The following GLB1 variants were observed in gnomAD, a reference collection of about 807,000 sequenced individuals.
GLB1 encodes beta-galactosidase.
In GLB1, 56 loss-of-function variants were observed where a neutral mutation model predicts 74.0. That is an observed-to-expected ratio of 0.76 (90% CI 0.61 to 0.94). The LOEUF (loss-of-function observed/expected upper bound fraction) is 0.94. Ranked by LOEUF, GLB1 falls within the 40% of genes least tolerant of loss-of-function variation. GLB1 has a pLI of 0.00. For synonymous variants in GLB1, 323 were observed against 323.6 expected, an observed-to-expected ratio of 1.00 and a Z score of 0.02; for missense variants, 787 against 845.5, an observed-to-expected ratio of 0.93 and a Z score of 0.86.
intron 9 of GLB1, among the ~76,000 whole-genome samples, chr3:33,048,721 G>A (rs1698846434): frequency 1.3e-5 from 2 of 152,206 alleles, no homozygotes; most frequent in African/African-American, 4.8e-5. Flanking sequence ...ACAGTGGGGT[G>A]GGTGTGGGGG....
intron 1 of GLB1, chr3:33,076,966 G>T: frequency 1.1e-6 from 1 of 942,188 alleles, no homozygotes. Flanking sequence ...GCTCATGCCT[G>T]TAATCCCAGC....
chr3:33,026,397 G>A (rs1032460620), intron 10 of GLB1, among the ~76,000 whole-genome samples: 6 of 152,198 alleles, frequency 3.9e-5, no homozygotes, highest in African/African-American at 1.4e-4. Flanking sequence ...GAGGGAGGCC[G>A]AGGGGGTGCT....
chr3:32,981,744 G>C, the GLB1 span, among the ~76,000 whole-genome samples: 1 of 151,454 alleles, frequency 6.6e-6, no homozygotes, highest in African/African-American at 2.4e-5. Context: ...CTGCACTCCA[G>C]CCTGGGAGAC....
chr3:33,038,960 A>T (rs1332080443), intron 10 of GLB1, among the ~76,000 whole-genome samples: 2 of 152,112 alleles, frequency 1.3e-5, no homozygotes, highest in African/African-American at 4.8e-5. Context: ...AAAACCCAAC[A>T]TATAGGAGAC....
chr3:33,056,224 C>A (rs1373210254), intron 6 of GLB1, among the ~76,000 whole-genome samples: 7 of 86,706 alleles, frequency 8.1e-5, no homozygotes, highest in African/African-American at 2.8e-4. Context: ...CGAAACTCCA[C>A]CTCAAAAAAA....
chr3:32,997,220 T>C lies in GLB1; in HGVS notation c.1859A>G (p.Glu620Gly). 6.2e-7 allele frequency: 1 copy of C among 1,614,168 alleles called. No homozygotes were observed. The highest frequency in any genetic ancestry group is 8.5e-7 in the Non-Finnish European group (1 of 1,180,024). Residue 620 changes from glutamate to glycine, a missense_variant, in exon 16 of 16, where the codon GAA (glutamate) becomes GGA (glycine). By Grantham distance (98) the Glu-to-Gly change is moderately conservative. Transcript: ENST00000307363. ...TSAPNTITVL[E>G]LEWAPCSSDD... The stretch of plus-strand genomic sequence containing the variant: ...ACTGCTGCAGGGTGCCCACTCCAGT[T>C]CCAGCACGGTGATGGTGTTTGGGGC...
At chr3:33,065,326 T>C in intron 5 of GLB1, 137 bp downstream of exon 5, 1 of 1,216,262 alleles carries the variant, frequency 8.2e-7, no homozygotes, top group Non-Finnish European at 1.2e-6. Context: ...GCAATTGAAC[T>C]AAAAGCACTA....
intron 10 of GLB1, chr3:33,034,895 A>T (rs754608616): frequency 1.4e-5 from 6 of 423,748 alleles, no homozygotes; most frequent in East Asian, 6.7e-5. Context: ...ATGGTTTGTA[A>T]TCTACTGTCC....
intron 15 of GLB1, among the ~76,000 whole-genome samples, chr3:33,008,842 G>A (rs369291387): frequency 9.2e-5 from 14 of 152,162 alleles, no homozygotes; most frequent in Admixed American, 5.9e-4. Context: ...CGTGGTGGCC[G>A]GGCGCAGTGG....
At chr3:33,069,184 G>A (rs1699804997) in intron 2 of GLB1, among the ~76,000 whole-genome samples, 2 of 152,130 alleles carry the variant, frequency 1.3e-5, no homozygotes, top group African/African-American at 4.8e-5. Context: ...GAGCCCAGGA[G>A]TTTGACACCA....
At chr3:33,089,208 C>A (rs1700650941) in intron 1 of GLB1, among the ~76,000 whole-genome samples, 1 of 152,110 alleles carries the variant, frequency 6.6e-6, no homozygotes, top group African/African-American at 2.4e-5. Flanking sequence ...AAAAAAGCTA[C>A]GTGATATTGA....
At chr3:33,021,240 G>A (rs1474721315) in intron 12 of GLB1, 3 of 383,008 alleles carry the variant, frequency 7.8e-6, no homozygotes, top group Non-Finnish European at 1.5e-5. Context: ...TATTAAAACA[G>A]TGATCTTCCA....
intron 1 of GLB1, among the ~76,000 whole-genome samples, chr3:33,095,580 C>T (rs923885311): frequency 3.3e-5 from 5 of 152,204 alleles, no homozygotes; most frequent in Non-Finnish European, 5.9e-5. Context: ...GCCAGCCTCC[C>T]TGTGTGGGCC....
intron 5 of GLB1, among the ~76,000 whole-genome samples, chr3:33,063,430 AGAG>A (rs71684556): frequency 0.094 from 14,199 of 151,780 alleles, 779 homozygotes; most frequent in Non-Finnish European, 0.12. Context: ...TGGGAAGGGG[AGAG>A]GAGGAGGAGG....
intron 12 of GLB1, 81 bp downstream of exon 12, chr3:33,021,485 C>G: frequency 1.3e-6 from 2 of 1,485,700 alleles, no homozygotes; most frequent in South Asian, 2.4e-5. Context: ...CCCCTGAATT[C>G]AGAATGGGCA....
the GLB1 span, among the ~76,000 whole-genome samples, chr3:32,978,893 G>C: frequency 6.7e-6 from 1 of 148,376 alleles, no homozygotes; most frequent in East Asian, 2.0e-4. Flanking sequence ...CTGAGTAGCT[G>C]GGATTACAGG....
downstream of GLB1, among the ~76,000 whole-genome samples, chr3:32,994,531 A>T (rs1400508860): frequency 2.0e-5 from 3 of 152,216 alleles, no homozygotes; most frequent in African/African-American, 7.2e-5. Context: ...TAGGAAGAAC[A>T]TTGTAGCAGG....
At chr3:33,022,563 G>GTTTTTTTTTTTTTTTTTTT (rs1380045437) in intron 11 of GLB1, among the ~76,000 whole-genome samples, 7 of 15,328 alleles carry the variant, frequency 4.6e-4, no homozygotes, top group East Asian at 3.6e-3. Context: ...TACTGGTTAG[G>GTTTTTTTTTTTTTTTTTTT]ATTTTTTTTT....
chr3:33,097,101 G>A lies in GLB1; in HGVS notation c.-16C>T, dbSNP rs1309547608. The A allele has an allele frequency of 2.7e-5, 44 of 1,611,634 alleles. No individual in the cohort carries two copies. Among genetic ancestry groups the A allele is most frequent in the Non-Finnish European group, 3.7e-5 (44 of 1,178,758 alleles). On this transcript the variant is annotated 5_prime_UTR_variant, in exon 1 of 16. Transcript: ENST00000307363. ...ACCCCGGCATGACCACCAGCCTCCC[G>A]GCTCTGCAGTCGGCGCCCAGGCCGG...
Sources: allele counts gnomAD v4.1 joint callset (sites outside exome capture counted in the v4.1 genomes callset), GRCh38; gene constraint gnomAD v4.1.1; transcripts MANE v1.5; gene names NCBI Gene and HGNC (gene_info 2026-07-23, HGNC 2026-07-21).